The following TLN2 variants were observed in gnomAD, a reference collection of about 807,000 sequenced individuals.
TLN2 encodes the protein talin 2.
In TLN2, 118 loss-of-function variants were observed where a neutral mutation model predicts 294.7. The observed-to-expected ratio is 0.40, with a 90% confidence interval of 0.34 to 0.47. The LOEUF (loss-of-function observed/expected upper bound fraction) is 0.47, where lower values mean the gene tolerates loss of function less well. TLN2 is among the 20% of genes least tolerant of loss of function. TLN2 has a pLI of 0.84. For synonymous variants in TLN2, 1,431 were observed against 1,304.5 expected (o/e 1.10, Z -2.09); for missense variants, 3,083 against 3,282.2 (o/e 0.94, Z 1.48).
intron 5 of TLN2, among the ~76,000 whole-genome samples, 200 bp from the exon 6 acceptor site, chr15:62,651,805 C>T (rs531446397): frequency 6.6e-6 from 1 of 152,146 alleles, no homozygotes; most frequent in South Asian, 2.1e-4. Flanking sequence ...TTTTGTAAGT[C>T]CAGGTCTGTA....
intron 1 of TLN2, among the ~76,000 whole-genome samples, chr15:62,439,652 C>A (rs2035455148): frequency 6.6e-6 from 1 of 152,232 alleles, no homozygotes; most frequent in East Asian, 1.9e-4. Context: ...ATGCCACCAG[C>A]CTCTGGAAGC....
At chr15:62,618,803 G>C (rs956373134) in intron 3 of TLN2, among the ~76,000 whole-genome samples, 1 of 152,226 alleles carries the variant, frequency 6.6e-6, no homozygotes, top group African/African-American at 2.4e-5. Context: ...GTGAAATATT[G>C]TACTGGAGAT....
chr15:62,575,052 C>A (rs899269532), intron 1 of TLN2, among the ~76,000 whole-genome samples: 1 of 152,170 alleles, frequency 6.6e-6, no homozygotes, highest in African/African-American at 2.4e-5. Context: ...GTGGCTCATG[C>A]CTGTAATTCT....
At chr15:62,541,749 A>G (rs2041702266) in intron 1 of TLN2, among the ~76,000 whole-genome samples, 1 of 152,128 alleles carries the variant, frequency 6.6e-6, no homozygotes, top group African/African-American at 2.4e-5. Flanking sequence ...ATATTTTTAT[A>G]TATAGGTGTG....
intron 1 of TLN2, among the ~76,000 whole-genome samples, chr15:62,438,639 G>T (rs912578306): frequency 6.6e-5 from 10 of 152,176 alleles, no homozygotes; most frequent in African/African-American, 2.4e-4. Context: ...TTCATGTTTA[G>T]GTTCAAGCCT....
intron 3 of TLN2, among the ~76,000 whole-genome samples, chr15:62,641,962 A>C (rs2051168833): frequency 6.6e-6 from 1 of 152,210 alleles, no homozygotes; most frequent in Admixed American, 6.5e-5. Flanking sequence ...GGTGATCCTG[A>C]GCAGCCTGCA....
At chr15:62,469,173 A>C (rs1266823483) in intron 1 of TLN2, among the ~76,000 whole-genome samples, 1 of 152,224 alleles carries the variant, frequency 6.6e-6, no homozygotes, top group Non-Finnish European at 1.5e-5. Flanking sequence ...TCTTGACTAG[A>C]GTCAAAAATT....
rs142708738 is a variant in TLN2, at chr15:62,453,358, C to G, written c.-238+62673C>G. On this transcript the variant is annotated intron_variant, in intron 1 of 58. Coordinates refer to ENST00000636159, the MANE Select transcript of TLN2 (RefSeq NM_015059.3). Reference sequence around the variant, plus strand: ...GTCATTTGTTCTTCAGAGAAACAAGCAGCTAGTACTGGCTAATGAGAATAT... The same window carrying G: ...GTCATTTGTTCTTCAGAGAAACAAGGAGCTAGTACTGGCTAATGAGAATAT... 5.7e-3 allele frequency among the ~76,000 whole-genome samples: 871 copies of G among 151,584 alleles called. 8 individuals are homozygous for G. The highest frequency in any genetic ancestry group is 0.02 in the African/African-American group (838 of 41,284).
chr15:62,391,305 C>T (rs562814211), intron 1 of TLN2, among the ~76,000 whole-genome samples: 1 of 152,370 alleles, frequency 6.6e-6, no homozygotes, highest in Non-Finnish European at 1.5e-5. Flanking sequence ...TTGGCAATCT[C>T]GCCACGGGCG....
intron 21 of TLN2, among the ~76,000 whole-genome samples, chr15:62,710,276 T>C (rs1020715043): frequency 6.6e-6 from 1 of 152,230 alleles, no homozygotes; most frequent in African/African-American, 2.4e-5. Context: ...GATTTTTATT[T>C]TAAATGTATT....
Position 62,430,949 on chromosome 15 carries a change from C to A in TLN2, c.-238+40264C>A, listed in dbSNP as rs201612611. Among the ~76,000 whole-genome samples the A allele has an allele frequency of 3.9e-4, 41 of 105,232 alleles. 3 individuals are homozygous for A. In the South Asian group the frequency reaches 7.4e-3, roughly 19 times the overall value. 69.0% of individuals were successfully genotyped at this position (105,232 alleles called of 152,430 possible). A position where few individuals can be genotyped will look rare whatever the true frequency, so the allele number is the denominator to read the frequency against. ...CAGGAAAAGCCAAAAAAAAAAAATA[C>A]ACAAAAACACCCAGCTCCTTCCAGG... On this transcript the variant is annotated intron_variant, in intron 1 of 58. Coordinates refer to ENST00000636159, the MANE Select transcript of TLN2 (RefSeq NM_015059.3).
chr15:62,423,959 G>A (rs981319869), intron 1 of TLN2, among the ~76,000 whole-genome samples: 3 of 152,082 alleles, frequency 2.0e-5, no homozygotes, highest in African/African-American at 7.2e-5. Context: ...CTTTTCAAAG[G>A]CTGACTAATG....
chr15:62,564,366 G>A (rs997038768), intron 1 of TLN2, among the ~76,000 whole-genome samples: 1 of 152,168 alleles, frequency 6.6e-6, no homozygotes. Flanking sequence ...CAGGGAACAG[G>A]AACGGCTTTC....
intron 1 of TLN2, among the ~76,000 whole-genome samples, chr15:62,420,131 T>A (rs1682657923): frequency 6.6e-6 from 1 of 152,226 alleles, no homozygotes; most frequent in Non-Finnish European, 1.5e-5. Flanking sequence ...ACTTACTTTA[T>A]AGTAGACTTC....
chr15:62,742,264 G>A (rs142555994), intron 32 of TLN2, among the ~76,000 whole-genome samples: 4 of 152,074 alleles, frequency 2.6e-5, no homozygotes, highest in Admixed American at 6.6e-5. Context: ...TGGGAGAGAT[G>A]GGAGGTGGGG....
At chr15:62,446,164 G>A (rs1018645654) in intron 1 of TLN2, among the ~76,000 whole-genome samples, 2 of 151,770 alleles carry the variant, frequency 1.3e-5, no homozygotes, top group Admixed American at 6.6e-5. Flanking sequence ...CCGCCACCAC[G>A]CCCCGCTAAT....
intron 1 of TLN2, among the ~76,000 whole-genome samples, chr15:62,547,858 T>C (rs2042079843): frequency 6.6e-6 from 1 of 152,030 alleles, no homozygotes; most frequent in Non-Finnish European, 1.5e-5. Flanking sequence ...TGTTGGAATA[T>C]GTTGCCTCTG....
intron 8 of TLN2, among the ~76,000 whole-genome samples, chr15:62,657,043 T>G (rs1416335561): frequency 6.6e-6 from 1 of 151,562 alleles, no homozygotes; most frequent in Non-Finnish European, 1.5e-5. Flanking sequence ...AGGAGAGAGA[T>G]AGCAGGGCAG....
At chr15:62,694,790 G>T (rs774558551) in intron 14 of TLN2, among the ~76,000 whole-genome samples, 4 of 152,150 alleles carry the variant, frequency 2.6e-5, no homozygotes, top group Non-Finnish European at 4.4e-5. Context: ...AGCCAGTGGC[G>T]GAGTTACGGT....
Sources: gnomAD v4.1 joint callset for allele counts (sites outside exome capture counted in the v4.1 genomes callset) on GRCh38, gnomAD v4.1.1 for gene constraint, MANE v1.5 for transcripts, NCBI Gene and HGNC (gene_info 2026-07-23, HGNC 2026-07-21) for gene names.